SERPINI1: variants seen among roughly 807,000 people sequenced by gnomAD.
SERPINI1 encodes serpin family I member 1.
A neutral mutation model predicts 41.1 loss-of-function variants in SERPINI1; 19 were observed. The observed-to-expected ratio is 0.46, with a 90% CI of 0.32 to 0.68. The LOEUF (loss-of-function observed/expected upper bound fraction) is 0.68. Ranked by LOEUF, SERPINI1 falls within the 30% of genes least tolerant of loss-of-function variation. The probability of loss-of-function intolerance (pLI) is 0.03; values close to 1 mark genes in which losing one functional copy is unlikely to be tolerated. For synonymous variants in SERPINI1, 138 were observed against 156.6 expected, an observed-to-expected ratio of 0.88 and a Z score of 0.89; for missense variants, 460 against 479.2, an observed-to-expected ratio of 0.96 and a Z score of 0.37.
intron 3 of SERPINI1, among the ~76,000 whole-genome samples, chr3:167,791,879 C>T (rs939331363): frequency 1.3e-5 from 2 of 152,196 alleles, no homozygotes; most frequent in Non-Finnish European, 2.9e-5. Context: ...AATCCCAGCA[C>T]TCTGGGAGGC....
intron 5 of SERPINI1, among the ~76,000 whole-genome samples, chr3:167,805,125 TA>T (rs1711584146): frequency 6.6e-6 from 1 of 152,142 alleles, no homozygotes; most frequent in African/African-American, 2.4e-5. Context: ...TTCTTTTGTT[TA>T]AAAAAACTCT....
chr3:167,751,786 T>C (rs1726055771), intron 1 of SERPINI1, among the ~76,000 whole-genome samples: 1 of 151,980 alleles, frequency 6.6e-6, no homozygotes, highest in African/African-American at 2.4e-5. Context: ...TCATGTACGA[T>C]AATAAAGCCT....
At chr3:167,747,535 TC>T in intron 1 of SERPINI1, among the ~76,000 whole-genome samples, 1 of 152,076 alleles carries the variant, frequency 6.6e-6, no homozygotes, top group Non-Finnish European at 1.5e-5. Flanking sequence ...TTCCAGCTAC[TC>T]GAGAGGCTGA....
chr3:167,801,508 A>G (rs1727898563), intron 5 of SERPINI1, among the ~76,000 whole-genome samples: 1 of 152,142 alleles, frequency 6.6e-6, no homozygotes, highest in Non-Finnish European at 1.5e-5. Flanking sequence ...ACCTCCATTC[A>G]TATCCTCATT....
chr3:167,808,614 C>G (rs531724625), intron 6 of SERPINI1, among the ~76,000 whole-genome samples: 11 of 152,216 alleles, frequency 7.2e-5, no homozygotes, highest in Non-Finnish European at 1.6e-4. Flanking sequence ...CTTAGCAGTT[C>G]CTGTGTTAAA....
In SERPINI1 at chr3:167,761,074, A is replaced by G. The variant is rs138552355; in HGVS notation, c.-19+25251A>G. On this transcript the variant is annotated intron_variant, in intron 1 of 8. Transcript: ENST00000446050. Reference sequence around the variant, plus strand: ...AGAGAGGGAGAAAACAGTGCCTCATATGGTTTACTCACGTGTGATCTTTTG... The same window carrying G: ...AGAGAGGGAGAAAACAGTGCCTCATGTGGTTTACTCACGTGTGATCTTTTG... Among the ~76,000 whole-genome samples, 481 of 152,292 alleles carry G rather than the reference A, an allele frequency of 3.2e-3. 2 individuals carry two copies. Among genetic ancestry groups the G allele is most frequent in the African/African-American group, 0.011 (463 of 41,566 alleles).
chr3:167,762,242 C>G (rs976452913), intron 1 of SERPINI1, among the ~76,000 whole-genome samples: 4 of 152,028 alleles, frequency 2.6e-5, no homozygotes, highest in African/African-American at 9.7e-5. Flanking sequence ...TGCTTGTGTT[C>G]TAGACTTCAT....
chr3:167,801,299 G>A (rs1489343496), intron 5 of SERPINI1, among the ~76,000 whole-genome samples: 5 of 152,232 alleles, frequency 3.3e-5, no homozygotes, highest in Non-Finnish European at 7.3e-5. Context: ...TATTCAGGTA[G>A]AAAGTTGCAA....
intron 1 of SERPINI1, among the ~76,000 whole-genome samples, chr3:167,776,889 T>C (rs1726984242): frequency 6.6e-6 from 1 of 152,186 alleles, no homozygotes; most frequent in African/African-American, 2.4e-5. Flanking sequence ...TGAACTTGAG[T>C]CAGACTCCTC....
Position 167,771,848 on chromosome 3 carries a change from C to T in SERPINI1, c.-18-17263C>T, listed in dbSNP as rs560620361. ...GTGTGTGTGCGCGTGTGTGTGTGTG[C>T]GCGCACGCGCACGCACATGCACACA... On this transcript the variant is annotated intron_variant, in intron 1 of 8. Coordinates refer to ENST00000446050, the MANE Select transcript of SERPINI1 (RefSeq NM_001122752.2). Among the ~76,000 whole-genome samples, 19 of 121,188 alleles carry T rather than the reference C, an allele frequency of 1.6e-4. No homozygotes were observed. In the South Asian group the frequency reaches 3.1e-3, roughly 20 times the overall value. 79.5% of individuals were successfully genotyped at this position (121,188 alleles called of 152,430 possible). A position where few individuals can be genotyped will look rare whatever the true frequency, so the allele number is the denominator to read the frequency against.
At chr3:167,780,230 A>C (rs1727078426) in intron 1 of SERPINI1, among the ~76,000 whole-genome samples, 1 of 152,142 alleles carries the variant, frequency 6.6e-6, no homozygotes, top group South Asian at 2.1e-4. Context: ...TTCCTGATTG[A>C]AACCTTTTTA....
At chr3:167,772,856 C>CTATATATA (rs1726813854) in intron 1 of SERPINI1, among the ~76,000 whole-genome samples, 2 of 26,286 alleles carry the variant, frequency 7.6e-5, no homozygotes, top group African/African-American at 1.5e-4. Context: ...CTCTCTCTCT[C>CTATATATA]TCTCTCTCTA....
intron 3 of SERPINI1, among the ~76,000 whole-genome samples, chr3:167,792,060 G>A (rs1440737018): frequency 6.6e-6 from 1 of 152,148 alleles, no homozygotes; most frequent in Non-Finnish European, 1.5e-5. Flanking sequence ...AGGAGACAGA[G>A]TTTGCAGTGA....
chr3:167,812,359 G>T (rs1415626578), intron 6 of SERPINI1, among the ~76,000 whole-genome samples: 1 of 152,132 alleles, frequency 6.6e-6, no homozygotes, highest in Admixed American at 6.6e-5. Context: ...CTCCTGCCCA[G>T]CCAAACTAAA....
intron 4 of SERPINI1, among the ~76,000 whole-genome samples, chr3:167,793,806 G>GTA (rs796438641): frequency 2.5e-4 from 36 of 145,504 alleles, no homozygotes; most frequent in South Asian, 6.4e-4. Context: ...TATACTGTGT[G>GTA]TATATATATA....
intron 1 of SERPINI1, among the ~76,000 whole-genome samples, chr3:167,755,018 T>C (rs184491244): frequency 8.5e-5 from 13 of 152,364 alleles, no homozygotes; most frequent in Non-Finnish European, 1.8e-4. Context: ...TGCAGCTCAA[T>C]GAACTGTTCT....
chr3:167,785,389 A>G (rs1492022), intron 1 of SERPINI1, among the ~76,000 whole-genome samples: 68,333 of 152,030 alleles, frequency 0.45, 16,313 homozygotes, highest in African/African-American at 0.61. Flanking sequence ...CATGATAGCC[A>G]ACTTGGGACT....
intron 6 of SERPINI1, among the ~76,000 whole-genome samples, chr3:167,812,114 T>A (rs540595621): frequency 6.6e-6 from 1 of 152,338 alleles, no homozygotes; most frequent in African/African-American, 2.4e-5. Context: ...TCCACTCTTA[T>A]TTGAGACTCT....
intron 5 of SERPINI1, among the ~76,000 whole-genome samples, chr3:167,805,142 G>T (rs932340397): frequency 1.3e-5 from 2 of 151,994 alleles, no homozygotes; most frequent in African/African-American, 4.8e-5. Context: ...ACTCTTAAGT[G>T]TACTAATTTA....
Sources: allele counts gnomAD v4.1 joint callset (sites outside exome capture counted in the v4.1 genomes callset), GRCh38; gene constraint gnomAD v4.1.1; transcripts MANE v1.5; gene names NCBI Gene and HGNC (gene_info 2026-07-23, HGNC 2026-07-21).